WNT3A: variants seen among roughly 807,000 people sequenced by gnomAD.
WNT3A encodes the protein protein Wnt-3a.
A neutral mutation model predicts 37.0 loss-of-function variants in WNT3A; 17 were observed. That is an observed-to-expected ratio of 0.46 (90% CI 0.31 to 0.69). WNT3A has a LOEUF of 0.69. WNT3A is among the 30% of genes least tolerant of loss of function. The pLI is 0.05. For missense variants in WNT3A, 411 were observed against 510.2 expected (o/e 0.81, Z 1.87); for synonymous variants, 187 against 211.0 (o/e 0.89, Z 0.99).
chr1:228,059,510 G>C lies in WNT3A; in HGVS notation c.*45G>C, dbSNP rs568730418. On this transcript the variant is annotated 3_prime_UTR_variant, in exon 4 of 4. Transcript: ENST00000284523. ...CTGGACGGGGCGGGCCCTGCCTGAG[G>C]GTGGGCTTTTCCCTGGGTGGAGCAG... is the stretch of plus-strand genomic sequence containing the variant. 5.2e-5 allele frequency: 76 copies of C among 1,465,600 alleles called. No individual in the cohort carries two copies. In the East Asian group the frequency reaches 1.6e-3, roughly 31 times the overall value. 90.8% of individuals were successfully genotyped at this position (1,465,600 alleles called of 1,614,324 possible).
chr1:228,052,080 A>G (rs562883611), intron 3 of WNT3A, among the ~76,000 whole-genome samples: 38 of 152,196 alleles, frequency 2.5e-4, no homozygotes, highest in Non-Finnish European at 4.3e-4. Flanking sequence ...CCCATTCACG[A>G]TGCTCCACCC....
rs2031759954 is a variant in WNT3A at position 228,059,796 on chromosome 1, G to A, written c.*331G>A. The A allele has an allele frequency of 8.9e-7, 1 of 1,118,906 alleles. No homozygotes were observed. The highest frequency in any genetic ancestry group is 1.1e-6 in the Non-Finnish European group (1 of 914,686). 69.3% of individuals were successfully genotyped at this position (1,118,906 alleles called of 1,614,324 possible). On this transcript the variant is annotated 3_prime_UTR_variant, in exon 4 of 4. Coordinates refer to ENST00000284523, the MANE Select transcript of WNT3A (RefSeq NM_033131.4). ...ATTGGGCGGGGCTTCTCTTGGGTGG[G>A]ACAGGGCTTCTCCTGCGGGGGCGAG...
chr1:228,024,969 G>T (rs1037042451), intron 2 of WNT3A, among the ~76,000 whole-genome samples: 4 of 152,066 alleles, frequency 2.6e-5, no homozygotes, highest in Non-Finnish European at 4.4e-5. Context: ...GTTTATTTCT[G>T]GACTCTCAAT....
intron 2 of WNT3A, among the ~76,000 whole-genome samples, chr1:228,048,682 A>C (rs2031478839): frequency 1.3e-5 from 2 of 152,140 alleles, no homozygotes; most frequent in Admixed American, 6.5e-5. Context: ...TTCCTGCCTC[A>C]GCCTCCTGAG....
At chr1:228,036,528 T>G (rs1404480724) in intron 2 of WNT3A, among the ~76,000 whole-genome samples, 1 of 152,174 alleles carries the variant, frequency 6.6e-6, no homozygotes, top group African/African-American at 2.4e-5. Context: ...CCATCAGTCC[T>G]TGGAACATGG....
chr1:228,057,302 C>T (rs1178665266), intron 3 of WNT3A, among the ~76,000 whole-genome samples: 1 of 152,052 alleles, frequency 6.6e-6, no homozygotes, highest in Non-Finnish European at 1.5e-5. Flanking sequence ...GGAGAGAAAA[C>T]TAACTGCCAC....
At chr1:228,035,318 T>G (rs1220123221) in intron 2 of WNT3A, among the ~76,000 whole-genome samples, 1 of 152,204 alleles carries the variant, frequency 6.6e-6, no homozygotes, top group Non-Finnish European at 1.5e-5. Flanking sequence ...GCAGAATCAC[T>G]GTGACAAAGC....
At chr1:228,054,147 C>T (rs1023128527) in intron 3 of WNT3A, among the ~76,000 whole-genome samples, 3 of 152,100 alleles carry the variant, frequency 2.0e-5, no homozygotes, top group African/African-American at 7.2e-5. Context: ...CAAAGCCAAG[C>T]CAGAAGTAGT....
chr1:228,033,432 C>G (rs934670303), intron 2 of WNT3A, among the ~76,000 whole-genome samples: 1 of 152,128 alleles, frequency 6.6e-6, no homozygotes, highest in African/African-American at 2.4e-5. Flanking sequence ...TGTTCTTTCC[C>G]CTTTGAATAG....
intron 3 of WNT3A, among the ~76,000 whole-genome samples, chr1:228,052,181 CAG>C (rs2031569620): frequency 6.6e-6 from 1 of 152,032 alleles, no homozygotes; most frequent in African/African-American, 2.4e-5. Context: ...GGTGGGGACA[CAG>C]GGTCTTGCTG....
At position 228,041,115 on chromosome 1, in the gene WNT3A, G is replaced by C. The variant is rs149037258; in HGVS notation, c.314-9541G>C. Among the ~76,000 whole-genome samples, 894 of 151,650 alleles carry C rather than the reference G, an allele frequency of 5.9e-3. 10 individuals are homozygous for C. The highest frequency in any genetic ancestry group is 0.021 in the African/African-American group (864 of 41,308). ...AAATAAAAGCACTTGGCAGTCCTCT[G>C]TTAGTCCCCAGATGCTCTCTGATAC... is the stretch of plus-strand genomic sequence containing the variant. On this transcript the variant is annotated intron_variant, in intron 2 of 3. Coordinates refer to ENST00000284523, the MANE Select transcript of WNT3A (RefSeq NM_033131.4).
intron 1 of WNT3A, among the ~76,000 whole-genome samples, chr1:228,011,099 T>A (rs2030355564): frequency 6.6e-6 from 1 of 152,090 alleles, no homozygotes; most frequent in African/African-American, 2.4e-5. Context: ...ACAGCCTGAC[T>A]GGAAGAGGGG....
intron 3 of WNT3A, among the ~76,000 whole-genome samples, chr1:228,058,271 A>G (rs1213466215): frequency 6.6e-6 from 1 of 152,212 alleles, no homozygotes; most frequent in Non-Finnish European, 1.5e-5. Context: ...CTGAATTCAC[A>G]CTGCCATGCC....
chr1:228,059,621 T>A lies in WNT3A; in HGVS notation c.*156T>A. 7.2e-7 allele frequency: 1 copy of A among 1,382,250 alleles called. No homozygotes were observed. The allele number at this position is 1,382,250 out of a possible 1,614,324, so 85.6% of individuals were successfully genotyped here. A position where few individuals can be genotyped will look rare whatever the true frequency, so the allele number is the denominator to read the frequency against. On this transcript the variant is annotated 3_prime_UTR_variant, in exon 4 of 4. Coordinates refer to ENST00000284523, the MANE Select transcript of WNT3A (RefSeq NM_033131.4). Reference sequence around the variant, plus strand: ...GGCTCCTACCTGGGGGCAGAACTCCTACCTGAAGGCAGGGCTCCTCCCTGG... The same window carrying A: ...GGCTCCTACCTGGGGGCAGAACTCCAACCTGAAGGCAGGGCTCCTCCCTGG...
chr1:228,010,069 A>G (rs954981716), intron 1 of WNT3A, among the ~76,000 whole-genome samples: 2 of 152,230 alleles, frequency 1.3e-5, no homozygotes, highest in Non-Finnish European at 2.9e-5. Context: ...CACAGACGGC[A>G]GGAACCTAGT....
At chr1:228,029,744 C>A (rs541678732) in intron 2 of WNT3A, among the ~76,000 whole-genome samples, 1 of 151,212 alleles carries the variant, frequency 6.6e-6, no homozygotes, top group African/African-American at 2.4e-5. Flanking sequence ...GTGCCCACCC[C>A]CCCCCCAATT....
At chr1:228,015,532 A>G (rs1175825417) in intron 1 of WNT3A, among the ~76,000 whole-genome samples, 1 of 152,148 alleles carries the variant, frequency 6.6e-6, no homozygotes. Context: ...GGTGCAGGGC[A>G]TGGGGGCAGG....
chr1:228,021,216 G>A (rs2030697053), intron 1 of WNT3A, among the ~76,000 whole-genome samples: 1 of 152,168 alleles, frequency 6.6e-6, no homozygotes, highest in African/African-American at 2.4e-5. Flanking sequence ...GGGTAGCCAC[G>A]GGCCACACGT....
At position 228,031,656 on chromosome 1, in the gene WNT3A, A is replaced by G. The variant is rs573347958; in HGVS notation, c.313+8748A>G. Reference sequence around the variant, plus strand: ...AATGTGTATGTGGTTTGGTGGATACATGTGCCTGTGCATGGGTGTATGTGG... The same window carrying G: ...AATGTGTATGTGGTTTGGTGGATACGTGTGCCTGTGCATGGGTGTATGTGG... On this transcript the variant is annotated intron_variant, in intron 2 of 3. Coordinates refer to ENST00000284523, the MANE Select transcript of WNT3A (RefSeq NM_033131.4). The surrounding 1 kb of genome is among the most constrained non-coding windows in gnomAD (Gnocchi z 4.8). Among the ~76,000 whole-genome samples, 7 of 152,030 alleles carry G rather than the reference A, an allele frequency of 4.6e-5. No homozygotes were observed. In the South Asian group the frequency reaches 6.2e-4, roughly 14 times the overall value.
Sources: gnomAD v4.1 joint callset for allele counts (sites outside exome capture counted in the v4.1 genomes callset) on GRCh38, gnomAD v4.1.1 for gene constraint, Gnocchi (gnomAD v3.1) non-coding constraint, MANE v1.5 for transcripts, NCBI Gene and HGNC (gene_info 2026-07-23, HGNC 2026-07-21) for gene names.